The following NRXN3 variants were observed in gnomAD, a reference collection of about 807,000 sequenced individuals.
NRXN3 encodes neurexin III.
In NRXN3, 32 loss-of-function variants were observed where a neutral mutation model predicts 137.6. The observed-to-expected ratio is 0.23, with a 90% confidence interval of 0.18 to 0.31. The LOEUF is 0.31. Ranked by LOEUF, NRXN3 falls within the 10% of genes least tolerant of loss-of-function variation. NRXN3 has a pLI of 1.00. For missense variants in NRXN3, 1,574 were observed against 2,062.5 expected, an observed-to-expected ratio of 0.76 and a Z score of 4.59; for synonymous variants, 798 against 784.5, an observed-to-expected ratio of 1.02 and a Z score of -0.29.
At chr14:78,215,287 T>C (rs2063143268) in intron 1 of NRXN3, among the ~76,000 whole-genome samples, 2 of 152,100 alleles carry the variant, frequency 1.3e-5, no homozygotes, top group South Asian at 4.1e-4. Context: ...ATCGGCTCTA[T>C]GGAGGAGAGA....
chr14:78,403,353 A>G (rs2092248204), intron 4 of NRXN3, among the ~76,000 whole-genome samples: 1 of 152,198 alleles, frequency 6.6e-6, no homozygotes, highest in Admixed American at 6.5e-5. Context: ...GTAGTTATTT[A>G]AAGATTGTGG....
In NRXN3 at chr14:79,519,633, A is replaced by G. The variant is rs577965685; in HGVS notation, c.3444+52231A>G. ...TTTATTGTTCTAGGAAACCTGCAAA[A>G]TGGGCTGTATTACATTCGACCCAAG... On this transcript the variant is annotated intron_variant, in intron 16 of 20. Coordinates refer to ENST00000335750, the MANE Select transcript of NRXN3 (RefSeq NM_001330195.2). Among the ~76,000 whole-genome samples the G allele has an allele frequency of 2.0e-4, 30 of 152,190 alleles. No homozygotes were observed. In the South Asian group the frequency reaches 2.3e-3, roughly 12 times the overall value.
intron 15 of NRXN3, among the ~76,000 whole-genome samples, chr14:79,425,000 G>T (rs2153539778): frequency 6.6e-6 from 1 of 152,268 alleles, no homozygotes; most frequent in East Asian, 1.9e-4. Flanking sequence ...TAGCTTTCAT[G>T]GGAAAATGTA....
intron 19 of NRXN3, among the ~76,000 whole-genome samples, chr14:79,716,687 G>C (rs918950651): frequency 6.6e-6 from 1 of 152,076 alleles, no homozygotes; most frequent in African/African-American, 2.4e-5. Flanking sequence ...TGGAGATAAT[G>C]TGCCCAATTC....
intron 16 of NRXN3, among the ~76,000 whole-genome samples, chr14:79,601,099 A>AGTG (rs1255885980): frequency 1.6e-5 from 2 of 127,104 alleles, no homozygotes; most frequent in African/African-American, 6.2e-5. Flanking sequence ...GCTGGAGTGC[A>AGTG]GTGGCGCAAT....
At chr14:78,810,377 T>TTAA in intron 10 of NRXN3, 33 bp downstream of exon 10, 3 of 745,688 alleles carry the variant, frequency 4.0e-6, no homozygotes, top group Middle Eastern at 2.9e-4. Context: ...TTTTGTTCTT[T>TTAA]AAAAAAAAAA....
chr14:79,598,205 C>A (rs934627218), intron 16 of NRXN3, among the ~76,000 whole-genome samples: 9 of 152,104 alleles, frequency 5.9e-5, no homozygotes, highest in African/African-American at 1.7e-4. Context: ...ATCGTCTTTG[C>A]AGTATAGTAT....
chr14:78,979,295 T>A (rs1033150251), intron 14 of NRXN3, among the ~76,000 whole-genome samples: 11 of 152,160 alleles, frequency 7.2e-5, no homozygotes, highest in Admixed American at 2.0e-4. Context: ...CTGAAGACTC[T>A]CAACTCTTTA....
At chr14:79,565,408 A>G (rs1401857606) in intron 16 of NRXN3, among the ~76,000 whole-genome samples, 3 of 150,504 alleles carry the variant, frequency 2.0e-5, no homozygotes, top group Non-Finnish European at 4.4e-5. Context: ...AATAATTTGA[A>G]TGATTGCCAG....
chr14:79,280,547 C>G lies in NRXN3; in HGVS notation c.3263-186674C>G. The G allele has an allele frequency of 1.9e-6, 3 of 1,608,110 alleles. No homozygotes were observed. In the South Asian group the frequency reaches 3.3e-5, roughly 18 times the overall value. Reference sequence around the variant, plus strand: ...CCTTCGAGGAGGACACGGTAGGTCTCTCTGCTCTTTATCCTTTTAATGGGG... The same window carrying G: ...CCTTCGAGGAGGACACGGTAGGTCTGTCTGCTCTTTATCCTTTTAATGGGG... On this transcript the variant is annotated intron_variant, in intron 15 of 20. Transcript: ENST00000335750.
intron 15 of NRXN3, among the ~76,000 whole-genome samples, chr14:79,100,390 G>C (rs1321722727): frequency 6.6e-6 from 1 of 152,196 alleles, no homozygotes; most frequent in African/African-American, 2.4e-5. Flanking sequence ...ATAGCAAAGA[G>C]ACTTATACTT....
At position 78,202,295 on chromosome 14, in the gene NRXN3, A is replaced by T. The variant is rs542520193; in HGVS notation, c.-704+31621A>T. Among the ~76,000 whole-genome samples the T allele has an allele frequency of 2.0e-4, 30 of 152,342 alleles. 1 individual carries two copies. The highest frequency in any genetic ancestry group is 5.5e-4 in the African/African-American group (23 of 41,574). ...CAGAGAGGATTTGACAGAATTTTTA[A>T]AGTAAAAAGTGAAATGAAATTTAGA... On this transcript the variant is annotated intron_variant, in intron 1 of 20. Transcript: ENST00000335750.
intron 19 of NRXN3, among the ~76,000 whole-genome samples, chr14:79,788,061 G>C (rs1186895575): frequency 6.6e-6 from 1 of 152,126 alleles, no homozygotes; most frequent in Non-Finnish European, 1.5e-5. Context: ...AGCTCCACAT[G>C]ACTGGGGGGG....
intron 15 of NRXN3, among the ~76,000 whole-genome samples, chr14:79,130,674 G>A (rs558710971): frequency 2.4e-3 from 367 of 152,136 alleles, no homozygotes; most frequent in Non-Finnish European, 3.8e-3. Context: ...TGCTCTTCTC[G>A]AGGAGTACCT....
At chr14:79,722,476 TTGAG>T (rs2098848048) in intron 19 of NRXN3, among the ~76,000 whole-genome samples, 1 of 152,154 alleles carries the variant, frequency 6.6e-6, no homozygotes, top group Non-Finnish European at 1.5e-5. Flanking sequence ...ATTCACTTGC[TTGAG>T]TTTTTCTTTT....
chr14:78,546,261 A>G (rs992420120), intron 4 of NRXN3, among the ~76,000 whole-genome samples: 2 of 152,224 alleles, frequency 1.3e-5, no homozygotes, highest in Non-Finnish European at 2.9e-5. Context: ...CCAGCTGAGA[A>G]GTGTAAAGTG....
intron 4 of NRXN3, among the ~76,000 whole-genome samples, chr14:78,617,627 C>G (rs543336038): frequency 6.6e-6 from 1 of 152,104 alleles, no homozygotes; most frequent in Admixed American, 6.5e-5. Flanking sequence ...AATGCACAAA[C>G]AAGGAAGAAG....
At chr14:79,286,738 C>A (rs1220621184) in intron 15 of NRXN3, among the ~76,000 whole-genome samples, 4 of 151,848 alleles carry the variant, frequency 2.6e-5, no homozygotes, top group African/African-American at 4.8e-5. Context: ...GTGGGAACAA[C>A]TATGGTTGGA....
At chr14:78,855,113 G>A (rs1231303177) in intron 10 of NRXN3, among the ~76,000 whole-genome samples, 1 of 151,190 alleles carries the variant, frequency 6.6e-6, no homozygotes, top group Non-Finnish European at 1.5e-5. Flanking sequence ...GCAGTGATCC[G>A]AGATCACGCT....
Sources: gnomAD v4.1 joint callset for allele counts (sites outside exome capture counted in the v4.1 genomes callset) on GRCh38, gnomAD v4.1.1 for gene constraint, MANE v1.5 for transcripts, NCBI Gene and HGNC (gene_info 2026-07-23, HGNC 2026-07-21) for gene names.